Variants in SLAIN2 observed in about 807,000 individuals in gnomAD.
SLAIN2 encodes SLAIN motif-containing protein 2.
SLAIN2 carries 31 observed loss-of-function variants against 56.6 expected under a neutral mutation model. That is an observed-to-expected ratio of 0.55 (90% CI 0.41 to 0.74). The LOEUF (loss-of-function observed/expected upper bound fraction) is 0.74. Ranked by LOEUF, SLAIN2 falls within the 30% of genes least tolerant of loss-of-function variation. SLAIN2 has a pLI of 0.00. For synonymous variants in SLAIN2, 317 were observed against 284.9 expected, an observed-to-expected ratio of 1.11 and a Z score of -1.13; for missense variants, 777 against 754.2, an observed-to-expected ratio of 1.03 and a Z score of -0.35.
chr4:48,369,887 A>C lies in SLAIN2; in HGVS notation c.428A>C (p.Gln143Pro), dbSNP rs1368998956. ...CCAAAGAAAAAACTTACACCAATGC[A>C]GAAATCGGTTAGTCCATTAGTTTGG... is the stretch of plus-strand genomic sequence containing the variant. ...SSPKKKLTPM[Q>P]KSVSPLVWCR... Residue 143 changes from glutamine to proline, a missense_variant, in exon 2 of 8, where the codon CAG becomes CCG. Physicochemically the swap from Gln to Pro is moderately conservative, Grantham distance 76 (BLOSUM62 -1). Transcript: ENST00000264313. 6.2e-7 allele frequency: 1 copy of C among 1,613,678 alleles called. No homozygotes were observed.
Position 48,420,378 on chromosome 4 carries a change from A to T in SLAIN2, c.1614A>T (p.Arg538Ser). ...GTTAMRSGLP[R>S]PSAPSAGGIP... Reference sequence around the variant, plus strand: ...CTGCAATGAGAAGTGGCTTGCCCAGACCCAGTGCCCCTTCTGCTGGGGGCA... The same window carrying T: ...CTGCAATGAGAAGTGGCTTGCCCAGTCCCAGTGCCCCTTCTGCTGGGGGCA... The change falls in exon 7 of 8, where the codon AGA becomes AGT. Residue 538 changes from arginine to serine, a missense_variant. Transcript: ENST00000264313. The T allele has an allele frequency of 6.2e-7, 1 of 1,613,994 alleles. No individual in the cohort carries two copies. The highest frequency in any genetic ancestry group is 8.5e-7 in the Non-Finnish European group (1 of 1,179,866).
At chr4:48,394,178 G>A (rs1196426620) in intron 6 of SLAIN2, among the ~76,000 whole-genome samples, 1 of 152,114 alleles carries the variant, frequency 6.6e-6, no homozygotes, top group Non-Finnish European at 1.5e-5. Context: ...AACAATAACC[G>A]CTTTGCCAAA....
intron 6 of SLAIN2, among the ~76,000 whole-genome samples, chr4:48,393,919 T>A (rs1379097989): frequency 6.6e-6 from 1 of 152,104 alleles, no homozygotes; most frequent in Non-Finnish European, 1.5e-5. Flanking sequence ...CTTTAAAAGG[T>A]AGAGATGGTC....
intron 1 of SLAIN2, among the ~76,000 whole-genome samples, chr4:48,353,482 CT>C (rs923309733): frequency 2.6e-5 from 4 of 151,456 alleles, no homozygotes; most frequent in South Asian, 2.1e-4. Context: ...AAAAAGGAAA[CT>C]TTTTTTTTCC....
intron 6 of SLAIN2, among the ~76,000 whole-genome samples, chr4:48,386,688 G>A (rs1716109704): frequency 6.6e-6 from 1 of 152,076 alleles, no homozygotes; most frequent in Non-Finnish European, 1.5e-5. Context: ...ACTCACTGTA[G>A]TACTAATAAA....
chr4:48,383,879 T>C (rs1716037080), intron 6 of SLAIN2, 95 bp downstream of exon 6: 1 of 1,362,100 alleles, frequency 7.3e-7, no homozygotes, highest in Non-Finnish European at 1.0e-6. Context: ...TTTTTTATGC[T>C]GAAAAACCGT....
chr4:48,380,771 G>C (rs893918153), intron 4 of SLAIN2, among the ~76,000 whole-genome samples: 5 of 152,152 alleles, frequency 3.3e-5, no homozygotes, highest in African/African-American at 1.2e-4. Context: ...GTCTTGACAG[G>C]TGGCTGAGGT....
At chr4:48,369,087 T>G (rs1474816089) in intron 1 of SLAIN2, among the ~76,000 whole-genome samples, 1 of 152,222 alleles carries the variant, frequency 6.6e-6, no homozygotes, top group African/African-American at 2.4e-5. Context: ...TTAAAGTGTC[T>G]TATTTGAAAA....
chr4:48,354,773 T>C (rs1715113593), intron 1 of SLAIN2, among the ~76,000 whole-genome samples: 3 of 152,082 alleles, frequency 2.0e-5, no homozygotes, highest in Admixed American at 1.3e-4. Flanking sequence ...CTGTTATGGG[T>C]ATTTTGAAAG....
chr4:48,408,681 C>A (rs1279158295), intron 6 of SLAIN2, among the ~76,000 whole-genome samples: 1 of 151,764 alleles, frequency 6.6e-6, no homozygotes, highest in Non-Finnish European at 1.5e-5. Flanking sequence ...AAAAGAGTCA[C>A]GTTTTTAAGT....
At chr4:48,420,034 C>A in intron 6 of SLAIN2, 91 bp from the exon 7 acceptor site, 1 of 1,258,510 alleles carries the variant, frequency 7.9e-7, no homozygotes, top group Non-Finnish European at 1.1e-6. Context: ...TACACATGTA[C>A]TAGTGCCCAA....
At chr4:48,383,497 GTTTT>G (rs902066753) in intron 5 of SLAIN2, 146 bp from the exon 6 acceptor site, 1 of 616,670 alleles carries the variant, frequency 1.6e-6, no homozygotes, top group Non-Finnish European at 2.4e-6. Context: ...CGAGTTGTTT[GTTTT>G]TTTTAATAAG....
intron 6 of SLAIN2, among the ~76,000 whole-genome samples, chr4:48,392,346 A>AG (rs1294229079): frequency 6.6e-6 from 1 of 152,136 alleles, no homozygotes; most frequent in Non-Finnish European, 1.5e-5. Flanking sequence ...GTGAAACTTG[A>AG]GGGATAAATA....
chr4:48,394,453 C>T, intron 6 of SLAIN2: 1 of 689,168 alleles, frequency 1.5e-6, no homozygotes, highest in Non-Finnish European at 2.4e-6. Context: ...AACATATTTG[C>T]ACCTTATGGC....
rs1280246565 is a variant in SLAIN2, at chr4:48,379,868, A to G, written c.862+20A>G. The G allele has an allele frequency of 1.2e-5, 18 of 1,517,338 alleles. No individual in the cohort carries two copies. Among genetic ancestry groups the G allele is most frequent in the Admixed American group, 2.3e-5 (1 of 42,702 alleles). 94.0% of individuals were successfully genotyped at this position (1,517,338 alleles called of 1,614,324 possible). On this transcript the variant is annotated intron_variant, in intron 4 of 7. Coordinates refer to ENST00000264313, the MANE Select transcript of SLAIN2 (RefSeq NM_020846.2). The stretch of plus-strand genomic sequence containing the variant: ...AAGAAAGTAAGTATTCTAATTGTTA[A>G]GAGTTGAGGTTTTTTACTATTGCAT...
chr4:48,403,761 A>G (rs1224884195), intron 6 of SLAIN2, among the ~76,000 whole-genome samples: 3 of 152,170 alleles, frequency 2.0e-5, no homozygotes, highest in Non-Finnish European at 4.4e-5. Context: ...TAATGCATGG[A>G]GGGATCTCCT....
chr4:48,383,961 T>C (rs1416591300), intron 6 of SLAIN2, 177 bp downstream of exon 6: 2 of 602,358 alleles, frequency 3.3e-6, no homozygotes, highest in South Asian at 5.9e-5. Flanking sequence ...TATTACAATT[T>C]AAAATTTTCT....
rs1346550170 is a variant in SLAIN2 at position 48,377,950 on chromosome 4, G to C, written c.593G>C (p.Ser198Thr). ...NNPFNSMSYT[S>T]PYSPNASSPY... is the part of the protein sequence containing the mutation. The stretch of plus-strand genomic sequence containing the variant: ...CCTTTCAACTCTATGAGTTACACCA[G>C]TCCTTACAGTCCAAATGCCAGTAGC... Residue 198 changes from serine (S) to threonine (T), a missense_variant, in exon 3 of 8, where the codon AGT (serine) becomes ACT (threonine). Coordinates refer to ENST00000264313, the MANE Select transcript of SLAIN2 (RefSeq NM_020846.2). 1.9e-6 allele frequency: 3 copies of C among 1,613,804 alleles called. No individual in the cohort carries two copies. Among genetic ancestry groups the C allele is most frequent in the South Asian group, 1.1e-5 (1 of 91,088 alleles).
intron 4 of SLAIN2, among the ~76,000 whole-genome samples, chr4:48,381,603 C>T (rs1715974642): frequency 1.3e-5 from 2 of 152,084 alleles, no homozygotes; most frequent in South Asian, 4.1e-4. Context: ...TTTGGTTCCC[C>T]GACTAACTGA....
Sources: allele counts gnomAD v4.1 joint callset (sites outside exome capture counted in the v4.1 genomes callset), GRCh38; gene constraint gnomAD v4.1.1; transcripts MANE v1.5; gene names NCBI Gene and HGNC (gene_info 2026-07-23, HGNC 2026-07-21).